Variants in XYLT1 observed in about 807,000 individuals in gnomAD.
XYLT1 encodes beta-D-xylosyltransferase 1.
Under a neutral mutation model 91.3 loss-of-function variants are expected in XYLT1, and 36 were observed. The ratio of observed to expected loss-of-function variants is 0.39; its 90% CI spans 0.30 to 0.52. The LOEUF (loss-of-function observed/expected upper bound fraction) is 0.52. Ranked by LOEUF, XYLT1 falls within the 20% of genes least tolerant of loss-of-function variation. The pLI, the probability that XYLT1 is intolerant of heterozygous loss-of-function variation, is 0.68. For missense variants in XYLT1, 1,242 were observed against 1,284.5 expected, an observed-to-expected ratio of 0.97 and a Z score of 0.51; for synonymous variants, 588 against 532.0, an observed-to-expected ratio of 1.11 and a Z score of -1.45.
At chr16:17,304,614 A>G (rs1021911179) in intron 2 of XYLT1, among the ~76,000 whole-genome samples, 1 of 152,186 alleles carries the variant, frequency 6.6e-6, no homozygotes, top group Non-Finnish European at 1.5e-5. Flanking sequence ...CTACGTCCAA[A>G]AGCGTCATAT....
intron 6 of XYLT1, among the ~76,000 whole-genome samples, chr16:17,156,984 G>A (rs1283122706): frequency 1.3e-5 from 2 of 149,772 alleles, no homozygotes; most frequent in Non-Finnish European, 3.0e-5. Context: ...GTCTCCCTCT[G>A]TCACCCAGGC....
chr16:17,331,299 T>G (rs1240378709), intron 2 of XYLT1, among the ~76,000 whole-genome samples: 4 of 152,214 alleles, frequency 2.6e-5, no homozygotes, highest in Non-Finnish European at 5.9e-5. Context: ...TACTCGGCAC[T>G]TGGACAGTGG....
chr16:17,271,915 T>C (rs1596459524), intron 2 of XYLT1, among the ~76,000 whole-genome samples: 1 of 151,936 alleles, frequency 6.6e-6, no homozygotes, highest in Non-Finnish European at 1.5e-5. Context: ...GAGAGGCTGG[T>C]ATGAAGAGAG....
At chr16:17,118,711 A>T (rs1367294126) in intron 10 of XYLT1, among the ~76,000 whole-genome samples, 1 of 152,154 alleles carries the variant, frequency 6.6e-6, no homozygotes, top group Non-Finnish European at 1.5e-5. Flanking sequence ...TCCTGTAGTC[A>T]GAAAGGCCTT....
At chr16:17,134,347 A>G (rs1388954326) in intron 9 of XYLT1, 126 bp downstream of exon 9, 1 of 1,316,160 alleles carries the variant, frequency 7.6e-7, no homozygotes, top group African/African-American at 1.5e-5. Context: ...TGGGCAAAGG[A>G]AGAGAGAAAG....
At chr16:17,209,316 C>T (rs947430354) in intron 3 of XYLT1, among the ~76,000 whole-genome samples, 2 of 152,194 alleles carry the variant, frequency 1.3e-5, no homozygotes, top group African/African-American at 4.8e-5. Flanking sequence ...TTGTCCACGT[C>T]GTAGCCTATG....
chr16:17,290,344 G>T (rs2034203519), intron 2 of XYLT1, among the ~76,000 whole-genome samples: 2 of 152,236 alleles, frequency 1.3e-5, no homozygotes, highest in South Asian at 4.1e-4. Context: ...GCAGCGGAAG[G>T]TCCATCTCAT....
chr16:17,361,480 A>G (rs868037089), intron 1 of XYLT1, among the ~76,000 whole-genome samples: 1 of 152,246 alleles, frequency 6.6e-6, no homozygotes, highest in Non-Finnish European at 1.5e-5. Flanking sequence ...ACAAACACTC[A>G]CAGACTCAGA....
chr16:17,118,229 A>T (rs1192473663), intron 10 of XYLT1, among the ~76,000 whole-genome samples: 1 of 152,144 alleles, frequency 6.6e-6, no homozygotes, highest in Non-Finnish European at 1.5e-5. Flanking sequence ...TGCCTGGTGT[A>T]TGGCATGTGC....
chr16:17,114,037 C>T (rs1467158745), intron 11 of XYLT1, among the ~76,000 whole-genome samples: 1 of 151,138 alleles, frequency 6.6e-6, no homozygotes, highest in Non-Finnish European at 1.5e-5. Context: ...CATCCACCTG[C>T]CGGGAGGGTG....
At position 17,459,343 on chromosome 16, in the gene XYLT1, G is replaced by C. The variant is rs559075684; in HGVS notation, c.363+11091C>G. Among the ~76,000 whole-genome samples the C allele has an allele frequency of 5.8e-4, 89 of 152,338 alleles. 1 individual carries two copies. The South Asian group carries it at 0.017, about 29-fold the overall frequency. On this transcript the variant is annotated intron_variant, in intron 1 of 11. Transcript: ENST00000261381. The stretch of plus-strand genomic sequence containing the variant: ...GCTGAGATCAAACCACTGCATTCTA[G>C]CCGGGGTGACGTAAGGAGTCCCTGT...
At chr16:17,133,137 C>A (rs569255717) in intron 9 of XYLT1, among the ~76,000 whole-genome samples, 3 of 152,058 alleles carry the variant, frequency 2.0e-5, no homozygotes, top group Non-Finnish European at 4.4e-5. Context: ...AGAAACTTTA[C>A]GGAGAGAGAA....
At chr16:17,303,830 AT>A (rs201749312) in intron 2 of XYLT1, among the ~76,000 whole-genome samples, 6 of 152,112 alleles carry the variant, frequency 3.9e-5, no homozygotes, top group East Asian at 1.9e-4. Flanking sequence ...TCAGATGAAG[AT>A]TTTTTTTCCC....
chr16:17,360,242 T>C (rs1271961745), intron 1 of XYLT1, among the ~76,000 whole-genome samples: 1 of 152,206 alleles, frequency 6.6e-6, no homozygotes, highest in Non-Finnish European at 1.5e-5. Flanking sequence ...GACTTAATGC[T>C]TCATTGCTTA....
intron 5 of XYLT1, among the ~76,000 whole-genome samples, chr16:17,174,808 T>C (rs1285785027): frequency 6.6e-6 from 1 of 152,226 alleles, no homozygotes; most frequent in African/African-American, 2.4e-5. Flanking sequence ...CCTCACTCTG[T>C]TGCCCAGGGT....
At chr16:17,429,745 C>A (rs571703651) in intron 1 of XYLT1, among the ~76,000 whole-genome samples, 4 of 152,084 alleles carry the variant, frequency 2.6e-5, no homozygotes, top group Non-Finnish European at 5.9e-5. Flanking sequence ...TGCATTACTG[C>A]GTGAGCTGAG....
intron 3 of XYLT1, among the ~76,000 whole-genome samples, chr16:17,231,242 G>C (rs1400997730): frequency 6.6e-6 from 1 of 152,180 alleles, no homozygotes; most frequent in Admixed American, 6.5e-5. Flanking sequence ...CCTTTGTTTA[G>C]GCAATAATCA....
chr16:17,153,076 A>C (rs2031320422), intron 6 of XYLT1, among the ~76,000 whole-genome samples: 1 of 152,198 alleles, frequency 6.6e-6, no homozygotes, highest in South Asian at 2.1e-4. Context: ...GTATATTATC[A>C]TCAAGATTCT....
intron 1 of XYLT1, among the ~76,000 whole-genome samples, chr16:17,452,083 G>T (rs1194168114): frequency 6.6e-6 from 1 of 152,064 alleles, no homozygotes; most frequent in African/African-American, 2.4e-5. Flanking sequence ...TTACTCAATT[G>T]CTATAAGAGA....
Sources: allele counts gnomAD v4.1 joint callset (sites outside exome capture counted in the v4.1 genomes callset), GRCh38; gene constraint gnomAD v4.1.1; transcripts MANE v1.5; gene names NCBI Gene and HGNC (gene_info 2026-07-23, HGNC 2026-07-21).